ALDH5A1: variants seen among roughly 807,000 people sequenced by gnomAD.
ALDH5A1 encodes succinate-semialdehyde dehydrogenase, mitochondrial.
Under a neutral mutation model 54.7 loss-of-function variants are expected in ALDH5A1, and 33 were observed. The observed-to-expected ratio is 0.60, with a 90% CI of 0.46 to 0.81. The LOEUF is 0.81. Among genes scored for constraint, ALDH5A1 ranks in the 30% least tolerant of loss-of-function variants. The probability of loss-of-function intolerance (pLI) is 0.00; values close to 1 mark genes in which losing one functional copy is unlikely to be tolerated. For missense variants in ALDH5A1, 657 were observed against 711.0 expected (o/e 0.92, Z 0.86); for synonymous variants, 294 against 292.7 (o/e 1.00, Z -0.05).
chr6:24,505,646 G>C (rs1446637512), intron 4 of ALDH5A1, among the ~76,000 whole-genome samples: 1 of 152,042 alleles, frequency 6.6e-6, no homozygotes, highest in African/African-American at 2.4e-5. Flanking sequence ...CTCTCTCCCA[G>C]GGAGGCCTTC....
chr6:24,513,968 TTTGCTGTCTAA>T (rs1471865643), intron 4 of ALDH5A1, among the ~76,000 whole-genome samples: 1 of 152,206 alleles, frequency 6.6e-6, no homozygotes, highest in African/African-American at 2.4e-5. Flanking sequence ...AGATTTGGGG[TTTGCTGTCTAA>T]TTGCTGTTTT....
At chr6:24,530,319 C>G (rs983604785) in intron 8 of ALDH5A1, among the ~76,000 whole-genome samples, 1 of 152,034 alleles carries the variant, frequency 6.6e-6, no homozygotes, top group Non-Finnish European at 1.5e-5. Flanking sequence ...ATTCTTCCTG[C>G]TTCATTATTC....
chr6:24,516,810 C>T (rs1446603985), intron 5 of ALDH5A1, among the ~76,000 whole-genome samples: 1 of 152,052 alleles, frequency 6.6e-6, no homozygotes, highest in Non-Finnish European at 1.5e-5. Flanking sequence ...GTAGTCCCAG[C>T]TACTTGGGAG....
rs768549204 is a variant in ALDH5A1, at chr6:24,533,971, A to G, written c.*259A>G. 3.3e-5 allele frequency: 14 copies of G among 430,730 alleles called. No homozygotes were observed. The highest frequency in any genetic ancestry group is 6.0e-5 in the Non-Finnish European group (14 of 232,788). 26.7% of individuals were successfully genotyped at this position (430,730 alleles called of 1,614,324 possible). A position where few individuals can be genotyped will look rare whatever the true frequency, so the allele number is the denominator to read the frequency against. ...TTACAGAATGAGGCCCTGGCTCCCC[A>G]CCACAGCCCCAGCTGCCTCAGAGCA... On this transcript the variant is annotated 3_prime_UTR_variant, in exon 10 of 10. Coordinates refer to ENST00000357578, the MANE Select transcript of ALDH5A1 (RefSeq NM_001080.3).
chr6:24,522,980 C>T (rs1759732160), intron 7 of ALDH5A1, 55 bp downstream of exon 7: 1 of 1,219,748 alleles, frequency 8.2e-7, no homozygotes, highest in African/African-American at 1.6e-5. Context: ...ATATGAAAAG[C>T]TTAATCAGCA....
intron 4 of ALDH5A1, among the ~76,000 whole-genome samples, chr6:24,505,456 T>A (rs1759320739): frequency 6.6e-6 from 1 of 151,848 alleles, no homozygotes; most frequent in Non-Finnish European, 1.5e-5. Context: ...TGTCTCTGAC[T>A]TCGTCCATCA....
intron 7 of ALDH5A1, among the ~76,000 whole-genome samples, chr6:24,526,958 A>ATTC (rs1759818188): frequency 1.7e-3 from 23 of 13,780 alleles, no homozygotes; most frequent in Non-Finnish European, 4.0e-3. Context: ...TATCTAATAT[A>ATTC]TATATATGTG....
intron 5 of ALDH5A1, among the ~76,000 whole-genome samples, chr6:24,517,303 G>C (rs1274546507): frequency 6.6e-6 from 1 of 152,220 alleles, no homozygotes; most frequent in East Asian, 1.9e-4. Context: ...AGCGTGCCCA[G>C]CTGGAATAAT....
At chr6:24,531,320 C>T (rs749415859) in intron 8 of ALDH5A1, among the ~76,000 whole-genome samples, 16 of 152,162 alleles carry the variant, frequency 1.1e-4, no homozygotes, top group Non-Finnish European at 2.4e-4. Context: ...GACATTTTCA[C>T]AGGAAACCAA....
chr6:24,497,072 AC>A (rs1256971980), intron 1 of ALDH5A1, among the ~76,000 whole-genome samples: 2 of 152,184 alleles, frequency 1.3e-5, no homozygotes, highest in African/African-American at 2.4e-5. Context: ...AGTGAGTGTT[AC>A]AGCTCTTAAA....
At chr6:24,512,672 ATGT>A (rs1759481104) in intron 4 of ALDH5A1, among the ~76,000 whole-genome samples, 2 of 150,658 alleles carry the variant, frequency 1.3e-5, no homozygotes, top group South Asian at 4.2e-4. Context: ...CTGGTTTTTA[ATGT>A]TGTTTGTTTT....
chr6:24,534,073 C>T lies in ALDH5A1; in HGVS notation c.*361C>T. On this transcript the variant is annotated 3_prime_UTR_variant, in exon 10 of 10. Transcript: ENST00000357578. The stretch of plus-strand genomic sequence containing the variant: ...ACTGCCTGGGCAGTGGCACAACCAT[C>T]CCCCATGTCGCTACAGAACATGGGC... The T allele has an allele frequency of 3.5e-6, 1 of 284,654 alleles. No individual in the cohort carries two copies. Among genetic ancestry groups the T allele is most frequent in the South Asian group, 3.8e-5 (1 of 26,282 alleles). 17.6% of individuals were successfully genotyped at this position (284,654 alleles called of 1,614,324 possible). A position where few individuals can be genotyped will look rare whatever the true frequency, so the allele number is the denominator to read the frequency against.
chr6:24,523,214 T>G lies in ALDH5A1; in HGVS notation c.1173+289T>G, dbSNP rs143218838. ...TTTGAGGCGATAGATGTGCTAACTATCCTGATTAGAGTATAGAGTATGAGA... is the reference window on the plus strand; with the variant it reads ...TTTGAGGCGATAGATGTGCTAACTAGCCTGATTAGAGTATAGAGTATGAGA... On this transcript the variant is annotated intron_variant, in intron 7 of 9. Coordinates refer to ENST00000357578, the MANE Select transcript of ALDH5A1 (RefSeq NM_001080.3). Among the ~76,000 whole-genome samples the G allele has an allele frequency of 5.3e-3, 803 of 152,054 alleles. 4 individuals are homozygous for G. The highest frequency in any genetic ancestry group is 0.018 in the African/African-American group (760 of 41,450).
chr6:24,497,567 G>GGGTGCTGATTGGTGTGTTTT (rs1554136014), intron 1 of ALDH5A1, among the ~76,000 whole-genome samples: 5 of 152,142 alleles, frequency 3.3e-5, no homozygotes, highest in South Asian at 2.1e-4. Flanking sequence ...CCTCTTGTAA[G>GGGTGCTGATTGGTGTGTTTT]ACAGAAAAGT....
At chr6:24,514,727 TAA>T (rs1209586540) in intron 4 of ALDH5A1, among the ~76,000 whole-genome samples, 6 of 144,788 alleles carry the variant, frequency 4.1e-5, no homozygotes, top group Non-Finnish European at 9.2e-5. Context: ...AAGACTGTCT[TAA>T]AAAAAAAAAA....
At chr6:24,499,035 AG>A (rs770753876) in intron 1 of ALDH5A1, among the ~76,000 whole-genome samples, 1 of 147,072 alleles carries the variant, frequency 6.8e-6, no homozygotes, top group Non-Finnish European at 1.5e-5. Context: ...TGGGAGGCGG[AG>A]GTTGCAGTGA....
At chr6:24,520,290 A>G (rs1160998260) in intron 5 of ALDH5A1, 111 bp from the exon 6 acceptor site, 1 of 1,207,442 alleles carries the variant, frequency 8.3e-7, no homozygotes, top group Admixed American at 1.7e-5. Flanking sequence ...TATCCCATGT[A>G]CACCACTGTG....
At chr6:24,520,908 A>G (rs925594681) in intron 6 of ALDH5A1, among the ~76,000 whole-genome samples, 15 of 151,994 alleles carry the variant, frequency 9.9e-5, no homozygotes, top group Admixed American at 5.2e-4. Context: ...TCTTTCCCCT[A>G]TCCTTTTAAT....
intron 4 of ALDH5A1, among the ~76,000 whole-genome samples, chr6:24,513,806 C>T (rs549700851): frequency 6.7e-5 from 10 of 150,260 alleles, no homozygotes; most frequent in East Asian, 5.9e-4. Context: ...CCACACGGCC[C>T]GTTGCTGCCC....
Sources: gnomAD v4.1 joint callset for allele counts (sites outside exome capture counted in the v4.1 genomes callset) on GRCh38, gnomAD v4.1.1 for gene constraint, MANE v1.5 for transcripts, NCBI Gene and HGNC (gene_info 2026-07-23, HGNC 2026-07-21) for gene names.